Variants in KCNQ4 observed in about 807,000 individuals in gnomAD.
KCNQ4 encodes the protein potassium voltage-gated channel subfamily Q member 4.
KCNQ4 carries 31 observed loss-of-function variants against 72.6 expected under a neutral mutation model. The observed-to-expected ratio is 0.43, with a 90% CI of 0.32 to 0.58. The LOEUF is 0.58. KCNQ4 is among the 20% of genes least tolerant of loss of function. KCNQ4 has a pLI of 0.08. For missense variants in KCNQ4, 869 were observed against 962.6 expected (o/e 0.90, Z 1.29); for synonymous variants, 405 against 403.7 (o/e 1.00, Z -0.04).
chr1:40,797,803 G>A (rs1647459254), intron 1 of KCNQ4, among the ~76,000 whole-genome samples: 1 of 152,106 alleles, frequency 6.6e-6, no homozygotes, highest in African/African-American at 2.4e-5. Flanking sequence ...TGCCTATAGG[G>A]AAAGTTCAGC....
chr1:40,810,573 A>G (rs2148311777), intron 1 of KCNQ4, among the ~76,000 whole-genome samples: 1 of 151,952 alleles, frequency 6.6e-6, no homozygotes, highest in Admixed American at 6.5e-5. Flanking sequence ...TCCTACCCCC[A>G]TCATATCCCC....
At position 40,788,800 on chromosome 1, in the gene KCNQ4, C is replaced by A. The variant is rs1163218267; in HGVS notation, c.314+4393C>A. Among the ~76,000 whole-genome samples the A allele has an allele frequency of 1.3e-5, 2 of 152,222 alleles. No individual in the cohort carries two copies. The highest frequency in any genetic ancestry group is 3.8e-4 in the East Asian group (2 of 5,196). On this transcript the variant is annotated intron_variant, in intron 1 of 13. Coordinates refer to ENST00000347132, the MANE Select transcript of KCNQ4 (RefSeq NM_004700.4). The surrounding 1 kb of genome is among the most constrained non-coding windows in gnomAD (Gnocchi z 4.5). ...AATTGAGTGGAAACTGCCAGCCTCA[C>A]CCAGTGCAGCCACGTTTTAGTTGTA... is the stretch of plus-strand genomic sequence containing the variant.
chr1:40,812,824 G>C (rs1422874192), intron 1 of KCNQ4, among the ~76,000 whole-genome samples: 1 of 152,178 alleles, frequency 6.6e-6, no homozygotes, highest in Non-Finnish European at 1.5e-5. Flanking sequence ...TGGTAACATG[G>C]TGTTTTGATG....
At position 40,822,297 on chromosome 1, in the gene KCNQ4, GT is replaced by G. The variant is rs1268150131; in HGVS notation, c.1042-16del. The G allele has an allele frequency of 5.6e-6, 9 of 1,610,320 alleles. No homozygotes were observed. The highest frequency in any genetic ancestry group is 6.8e-6 in the Non-Finnish European group (8 of 1,176,926). ...GCCTCACTGATGCCCCATCCCCCAC[GT>G]CCCCCATACCACCAGGCTGCCTGGC... On this transcript the variant is annotated splice_polypyrimidine_tract_variant and intron_variant, in intron 7 of 13. Coordinates refer to ENST00000347132, the MANE Select transcript of KCNQ4 (RefSeq NM_004700.4).
At chr1:40,792,301 C>CCTACTGCCA (rs1204601943) in intron 1 of KCNQ4, among the ~76,000 whole-genome samples, 1 of 152,206 alleles carries the variant, frequency 6.6e-6, no homozygotes, top group Non-Finnish European at 1.5e-5. Context: ...CAGCTGCCAC[C>CCTACTGCCA]CTCTACTGGA....
At chr1:40,831,463 T>A (rs1028829206) in intron 10 of KCNQ4, among the ~76,000 whole-genome samples, 159 bp downstream of exon 10, 3 of 152,206 alleles carry the variant, frequency 2.0e-5, no homozygotes. Context: ...ATGGGCATTA[T>A]AATATTTGCT....
rs893178931 is a variant in KCNQ4, at chr1:40,794,878, T to A, written c.314+10471T>A. On this transcript the variant is annotated intron_variant, in intron 1 of 13. Coordinates refer to ENST00000347132, the MANE Select transcript of KCNQ4 (RefSeq NM_004700.4). This position sits in a 1 kb window ranked among gnomAD's most constrained non-coding sequence, Gnocchi z 4.2. ...GGAGCCAGAAGAGGGAGGGGTCTGGTAGGGACAGAGGGATCAGGGGACAGA... is the reference window on the plus strand; with the variant it reads ...GGAGCCAGAAGAGGGAGGGGTCTGGAAGGGACAGAGGGATCAGGGGACAGA... 6.8e-6 allele frequency among the ~76,000 whole-genome samples: 1 copy of A among 147,410 alleles called. No individual in the cohort carries two copies. Among genetic ancestry groups the A allele is most frequent in the Non-Finnish European group, 1.5e-5 (1 of 67,610 alleles).
chr1:40,800,835 C>T (rs907312676), intron 1 of KCNQ4, among the ~76,000 whole-genome samples: 1 of 152,184 alleles, frequency 6.6e-6, no homozygotes, highest in Non-Finnish European at 1.5e-5. Flanking sequence ...CACAGGGGCC[C>T]TGGAATCCTA....
In KCNQ4 at chr1:40,838,738, G is replaced by C; in HGVS notation, c.*215G>C. ...GGAGCGTGAGATGCCAGGTCGCACA[G>C]AGGGCAGCAGCAGCGGCCGTCCCGC... On this transcript the variant is annotated 3_prime_UTR_variant, in exon 14 of 14. Coordinates refer to ENST00000347132, the MANE Select transcript of KCNQ4 (RefSeq NM_004700.4). 1.6e-6 allele frequency: 1 copy of C among 614,296 alleles called. No homozygotes were observed. Among genetic ancestry groups the C allele is most frequent in the Non-Finnish European group, 2.9e-6 (1 of 342,904 alleles). 38.1% of individuals were successfully genotyped at this position (614,296 alleles called of 1,614,324 possible).
chr1:40,784,133 C>T lies in KCNQ4; in HGVS notation c.40C>T (p.Pro14Ser). 2.1e-6 allele frequency: 2 copies of T among 972,774 alleles called. No homozygotes were observed. The highest frequency in any genetic ancestry group is 2.5e-6 in the Non-Finnish European group (2 of 801,054). The allele number at this position is 972,774 out of a possible 1,614,324, so 60.3% of individuals were successfully genotyped here. A position where few individuals can be genotyped will look rare whatever the true frequency, so the allele number is the denominator to read the frequency against. ...CCCGCGCCGCCTCGGCCTGGGTCCCCCGCCCGGGGACGCCCCCCGCGCGGA... is the reference window on the plus strand; with the variant it reads ...CCCGCGCCGCCTCGGCCTGGGTCCCTCGCCCGGGGACGCCCCCCGCGCGGA... ...APPRRLGLGP[P>S]PGDAPRAELV... The change falls in exon 1 of 14, where the codon CCG becomes TCG. Residue 14 changes from proline to serine, a missense_variant. Transcript: ENST00000347132. This position sits in a 1 kb window ranked among gnomAD's most constrained non-coding sequence, Gnocchi z 4.1.
chr1:40,822,688 G>A (rs1262703390), intron 8 of KCNQ4, among the ~76,000 whole-genome samples: 1 of 152,214 alleles, frequency 6.6e-6, no homozygotes, highest in African/African-American at 2.4e-5. Flanking sequence ...CTCACCCATA[G>A]GTGATGCCAT....
rs747557212 is a variant in KCNQ4, at chr1:40,794,803, G to A, written c.314+10396G>A. The stretch of plus-strand genomic sequence containing the variant: ...TTTTTGGAAATTTTACCGGTGGTGC[G>A]TGAAATCCCTGAGTCTGGGCGCCAT... On this transcript the variant is annotated intron_variant, in intron 1 of 13. Transcript: ENST00000347132. This position sits in a 1 kb window ranked among gnomAD's most constrained non-coding sequence, Gnocchi z 4.2. Among the ~76,000 whole-genome samples the A allele has an allele frequency of 3.9e-5, 6 of 152,136 alleles. No homozygotes were observed. Among genetic ancestry groups the A allele is most frequent in the African/African-American group, 9.7e-5 (4 of 41,416 alleles).
chr1:40,801,993 G>A (rs1325146201), intron 1 of KCNQ4, among the ~76,000 whole-genome samples: 1 of 152,088 alleles, frequency 6.6e-6, no homozygotes, highest in African/African-American at 2.4e-5. Context: ...CCCTTGGTGG[G>A]CAACTCCTTT....
chr1:40,837,857 T>C, intron 13 of KCNQ4, 63 bp downstream of exon 13: 1 of 1,561,440 alleles, frequency 6.4e-7, no homozygotes, highest in East Asian at 2.3e-5. Flanking sequence ...CGCGGTGACA[T>C]GGGGAGGATG....
At chr1:40,789,205 G>T (rs1306266484) in intron 1 of KCNQ4, among the ~76,000 whole-genome samples, 1 of 152,282 alleles carries the variant, frequency 6.6e-6, no homozygotes, top group Non-Finnish European at 1.5e-5. Context: ...CTCCTGGGGG[G>T]TCCTCGGGGG....
chr1:40,806,384 CT>C (rs1389295490), intron 1 of KCNQ4, among the ~76,000 whole-genome samples: 5 of 152,338 alleles, frequency 3.3e-5, no homozygotes, highest in Admixed American at 3.3e-4. Context: ...ATGGATGCCC[CT>C]GTGTCCTCTT....
chr1:40,826,524 G>T (rs1414905530), intron 9 of KCNQ4: 3 of 391,580 alleles, frequency 7.7e-6, no homozygotes, highest in East Asian at 1.5e-4. Context: ...TTAGGTGGGG[G>T]TCCTTCTTTC....
chr1:40,815,530 A>G (rs1648060341), intron 1 of KCNQ4, among the ~76,000 whole-genome samples: 1 of 152,094 alleles, frequency 6.6e-6, no homozygotes, highest in South Asian at 2.1e-4. Flanking sequence ...TTAATTATTG[A>G]ACATGAGGAG....
chr1:40,822,365 A>G lies in KCNQ4; in HGVS notation c.1093A>G (p.Thr365Ala). The part of the protein sequence containing the change: ...TDMSRAYLTA[T>A]WYYYDSILPS... ...TATGAGCCGGGCCTACCTGACAGCC[A>G]CCTGGTACTACTATGACAGTATCCT... The change falls in exon 8 of 14, where the codon ACC becomes GCC. Residue 365 changes from threonine to alanine, a missense_variant. Thr to Ala is a moderately conservative substitution (Grantham distance 58, BLOSUM62 0). Around this residue, in one of 5 missense-constraint regions of KCNQ4, gnomAD observed 480 missense variants for 501.9 expected, o/e 0.96. Transcript: ENST00000347132. 1.4e-6 allele frequency: 2 copies of G among 1,459,774 alleles called. No homozygotes were observed. The highest frequency in any genetic ancestry group is 1.9e-4 in the Middle Eastern group (1 of 5,294). The allele number at this position is 1,459,774 out of a possible 1,614,324, so 90.4% of individuals were successfully genotyped here. A position where few individuals can be genotyped will look rare whatever the true frequency, so the allele number is the denominator to read the frequency against.
Sources: allele counts gnomAD v4.1 joint callset (sites outside exome capture counted in the v4.1 genomes callset), GRCh38; gene constraint gnomAD v4.1.1; regional missense constraint gnomAD v4.1.1; non-coding constraint Gnocchi (gnomAD v3.1); transcripts MANE v1.5; gene names NCBI Gene and HGNC (gene_info 2026-07-23, HGNC 2026-07-21).